The following DIP2A variants were observed in gnomAD, a reference collection of about 807,000 sequenced individuals.
DIP2A encodes the protein DIP2 acetate--CoA ligase A, also known as disco-interacting protein 2 homolog A.
Under a neutral mutation model 177.4 loss-of-function variants are expected in DIP2A, and 85 were observed. The observed-to-expected ratio is 0.48, with a 90% CI of 0.40 to 0.57. The LOEUF (loss-of-function observed/expected upper bound fraction) is 0.57. Ranked by LOEUF, DIP2A falls within the 20% of genes least tolerant of loss-of-function variation. The pLI, the probability that DIP2A is intolerant of heterozygous loss-of-function variation, is 0.00. For missense variants in DIP2A, 1,791 were observed against 2,100.2 expected (o/e 0.85, Z 2.88); for synonymous variants, 886 against 881.8 (o/e 1.00, Z -0.08).
At chr21:46,501,674 T>G (rs1302237857) in intron 5 of DIP2A, among the ~76,000 whole-genome samples, 1 of 152,130 alleles carries the variant, frequency 6.6e-6, no homozygotes, top group Non-Finnish European at 1.5e-5. Flanking sequence ...CCTCATGCCT[T>G]GGCCTTTCAA....
chr21:46,460,031 C>A (rs1377952315), intron 1 of DIP2A, among the ~76,000 whole-genome samples: 1 of 152,174 alleles, frequency 6.6e-6, no homozygotes, highest in Non-Finnish European at 1.5e-5. Context: ...CCTTGCCGCG[C>A]GCCTCATACT....
chr21:46,527,642 T>A (rs1387220161), intron 8 of DIP2A, among the ~76,000 whole-genome samples: 1 of 151,900 alleles, frequency 6.6e-6, no homozygotes, highest in Non-Finnish European at 1.5e-5. Context: ...TTTTTTTTTC[T>A]CATTCATTTC....
chr21:46,567,635 G>A lies in DIP2A; in HGVS notation c.*13G>A, dbSNP rs376887750. On this transcript the variant is annotated 3_prime_UTR_variant, in exon 38 of 38. Transcript: ENST00000417564. The stretch of plus-strand genomic sequence containing the variant: ...CTACAACATGTGAGCGCAGCACACC[G>A]GCCCAGGTGCCGGAGATGAATGAGC... The A allele has an allele frequency of 7.0e-6, 11 of 1,563,876 alleles. No homozygotes were observed. The highest frequency in any genetic ancestry group is 4.5e-5 in the East Asian group (2 of 44,442).
Position 46,567,621 on chromosome 21 carries a change from G to A in DIP2A, c.4715G>A (p.Ter1572=), listed in dbSNP as rs1280360011. The A allele has an allele frequency of 2.5e-6, 4 of 1,587,946 alleles. No individual in the cohort carries two copies. The highest frequency in any genetic ancestry group is 2.7e-5 in the African/African-American group (2 of 74,562). Residue 1572 remains the stop codon, a stop_retained_variant, in exon 38 of 38, where the codon TGA becomes TAA. Coordinates refer to ENST00000417564, the MANE Select transcript of DIP2A (RefSeq NM_015151.4). ...LDPIYVAYNM[*] ...CCCATCTATGTCGCCTACAACATGT[G>A]AGCGCAGCACACCGGCCCAGGTGCC...
chr21:46,567,835 G>A lies in DIP2A; in HGVS notation c.*213G>A, dbSNP rs976990205. On this transcript the variant is annotated 3_prime_UTR_variant, in exon 38 of 38. Transcript: ENST00000417564. ...CTGCCAAGTACATTTACAAAAACAC[G>A]GATGCTGGTATTTTAACAGATGGAG... The A allele has an allele frequency of 7.7e-6, 4 of 518,138 alleles. No homozygotes were observed. The highest frequency in any genetic ancestry group is 1.3e-5 in the Non-Finnish European group (4 of 316,584). The allele number at this position is 518,138 out of a possible 1,614,324, so 32.1% of individuals were successfully genotyped here.
intron 8 of DIP2A, 87 bp from the exon 9 acceptor site, chr21:46,529,005 A>AT (rs1941394649): frequency 1.3e-6 from 1 of 744,518 alleles, no homozygotes; most frequent in African/African-American, 1.8e-5. Context: ...GTAATGGTAT[A>AT]TTTCGGGGTA....
In DIP2A at chr21:46,566,255, G is replaced by T. The variant is rs376402726; in HGVS notation, c.4340-305G>T. On this transcript the variant is annotated intron_variant, in intron 36 of 37. Coordinates refer to ENST00000417564, the MANE Select transcript of DIP2A (RefSeq NM_015151.4). ...AGAGGACTCTGTGCAGCCACCACAA[G>T]CTGGCCAGATAAGGCAGAACTTTTG... Among the ~76,000 whole-genome samples, 22 of 152,322 alleles carry T rather than the reference G, an allele frequency of 1.4e-4. 1 individual carries two copies. In the South Asian group the frequency reaches 4.1e-3, roughly 29 times the overall value.
chr21:46,523,514 G>A (rs1024199755), intron 8 of DIP2A, among the ~76,000 whole-genome samples: 4 of 151,134 alleles, frequency 2.6e-5, no homozygotes, highest in African/African-American at 4.9e-5. Context: ...CAAAGTGCTG[G>A]GATTACAGGT....
chr21:46,522,184 A>G (rs2058853036), intron 8 of DIP2A, among the ~76,000 whole-genome samples: 1 of 152,250 alleles, frequency 6.6e-6, no homozygotes, highest in Non-Finnish European at 1.5e-5. Context: ...ACTAAAAGGC[A>G]TTACAGTTTT....
the DIP2A span, among the ~76,000 whole-genome samples, chr21:46,578,597 C>T: frequency 6.6e-6 from 1 of 152,182 alleles, no homozygotes; most frequent in Non-Finnish European, 1.5e-5. Context: ...GTGGATCTGT[C>T]ATAAGTGGCT....
At chr21:46,532,014 A>C (rs1250871135) in intron 9 of DIP2A, 113 bp from the exon 10 acceptor site, 1 of 957,176 alleles carries the variant, frequency 1.0e-6, no homozygotes, top group African/African-American at 1.7e-5. Flanking sequence ...TTTCAAGCAC[A>C]ATTATTACAA....
chr21:46,501,317 C>T (rs946200832), intron 5 of DIP2A, among the ~76,000 whole-genome samples: 5 of 152,014 alleles, frequency 3.3e-5, no homozygotes, highest in African/African-American at 1.2e-4. Flanking sequence ...AATGTAAATA[C>T]CTATTTTTAA....
At chr21:46,526,168 C>T (rs965925411) in intron 8 of DIP2A, among the ~76,000 whole-genome samples, 6 of 151,858 alleles carry the variant, frequency 4.0e-5, no homozygotes, top group African/African-American at 1.5e-4. Context: ...CCTTGGCCTC[C>T]CAAAGTGCTA....
In DIP2A at chr21:46,556,441, C is replaced by T. The variant is rs569632056; in HGVS notation, c.3498+350C>T. 4.4e-5 allele frequency: 56 copies of T among 1,258,748 alleles called. No homozygotes were observed. The African/African-American group carries it at 6.3e-4, about 14-fold the overall frequency. The allele number at this position is 1,258,748 out of a possible 1,614,324, so 78.0% of individuals were successfully genotyped here. A position where few individuals can be genotyped will look rare whatever the true frequency, so the allele number is the denominator to read the frequency against. ...GCTCACGCCTGTAATCCCAGCACTT[C>T]GGGAGGCCGAGGCGGGTGGATCACA... On this transcript the variant is annotated intron_variant, in intron 29 of 37. Coordinates refer to ENST00000417564, the MANE Select transcript of DIP2A (RefSeq NM_015151.4). The surrounding 1 kb of genome is among the most constrained non-coding windows in gnomAD (Gnocchi z 4.5).
intron 6 of DIP2A, among the ~76,000 whole-genome samples, chr21:46,505,339 T>C (rs1057009279): frequency 3.9e-5 from 6 of 152,186 alleles, no homozygotes; most frequent in Non-Finnish European, 7.4e-5. Flanking sequence ...CTGGGCGCGG[T>C]GGCTCACACC....
intron 3 of DIP2A, among the ~76,000 whole-genome samples, chr21:46,495,252 C>CTTCTT (rs2057285457): frequency 1.7e-5 from 2 of 114,960 alleles, no homozygotes; most frequent in African/African-American, 6.1e-5. Flanking sequence ...CTTTCTCTCT[C>CTTCTT]TCTCTCTCTC....
intron 32 of DIP2A, chr21:46,558,653 T>C (rs2148899105): frequency 2.0e-6 from 1 of 507,804 alleles, no homozygotes; most frequent in Admixed American, 3.5e-5. Context: ...ACTCTCTAAG[T>C]TAGATATAAA....
intron 8 of DIP2A, among the ~76,000 whole-genome samples, chr21:46,522,674 C>T (rs2058875144): frequency 6.6e-6 from 1 of 152,170 alleles, no homozygotes; most frequent in African/African-American, 2.4e-5. Context: ...AGTTATTACA[C>T]CAGAGCTCTC....
intron 2 of DIP2A, among the ~76,000 whole-genome samples, chr21:46,488,695 CAG>C (rs2056831474): frequency 1.3e-5 from 2 of 152,126 alleles, no homozygotes; most frequent in South Asian, 2.1e-4. Flanking sequence ...CTAGTGCTGA[CAG>C]AGAGTGGAGA....
Sources: gnomAD v4.1 joint callset for allele counts (sites outside exome capture counted in the v4.1 genomes callset) on GRCh38, gnomAD v4.1.1 for gene constraint, Gnocchi (gnomAD v3.1) non-coding constraint, MANE v1.5 for transcripts, NCBI Gene and HGNC (gene_info 2026-07-23, HGNC 2026-07-21) for gene names.